GREB1: variants seen among roughly 807,000 people sequenced by gnomAD.
GREB1 encodes the protein growth regulating estrogen receptor binding 1.
A neutral mutation model predicts 200.7 loss-of-function variants in GREB1; 106 were observed. That is an observed-to-expected ratio of 0.53 (90% CI 0.45 to 0.62). The LOEUF is 0.62. Ranked by LOEUF, GREB1 falls within the 20% of genes least tolerant of loss-of-function variation. The pLI is 0.00. For missense variants in GREB1, 2,243 were observed against 2,556.8 expected (o/e 0.88, Z 2.65); for synonymous variants, 1,132 against 1,092.4 (o/e 1.04, Z -0.72).
intron 4 of GREB1, among the ~76,000 whole-genome samples, chr2:11,572,711 G>A (rs1678437501): frequency 6.6e-6 from 1 of 151,730 alleles, no homozygotes; most frequent in Admixed American, 6.6e-5. Flanking sequence ...AGAGGAAGGA[G>A]GGATGCTTGC....
intron 10 of GREB1, among the ~76,000 whole-genome samples, chr2:11,590,773 G>A (rs1680649453): frequency 6.6e-6 from 1 of 152,188 alleles, no homozygotes. Flanking sequence ...ATCTGAAGCT[G>A]AAGTCAACAG....
rs764376537 is a variant in GREB1, at chr2:11,632,070, C to T, written c.4773C>T (p.His1591=). The change falls in exon 27 of 33, where the codon CAC becomes CAT. Residue 1591 remains histidine, a synonymous_variant. Coordinates refer to ENST00000381486, the MANE Select transcript of GREB1 (RefSeq NM_014668.4). ...TTTATAAGAAATATTGGCCCAACCACATCATGCTGGTGCTCCCCAGTATCT... is the reference window on the plus strand; with the variant it reads ...TTTATAAGAAATATTGGCCCAACCATATCATGCTGGTGCTCCCCAGTATCT... ...MAIYKKYWPN[H]IMLVLPSIFN... The T allele has an allele frequency of 6.2e-7, 1 of 1,614,064 alleles. No homozygotes were observed. The highest frequency in any genetic ancestry group is 2.2e-5 in the East Asian group (1 of 44,866).
At chr2:11,631,040 G>A (rs1318811767) in intron 26 of GREB1, among the ~76,000 whole-genome samples, 6 of 152,146 alleles carry the variant, frequency 3.9e-5, no homozygotes, top group Non-Finnish European at 5.9e-5. Flanking sequence ...CCTACCCCAC[G>A]GGCTGGGGTT....
At chr2:11,570,424 G>A (rs1349013105) in intron 4 of GREB1, among the ~76,000 whole-genome samples, 2 of 149,620 alleles carry the variant, frequency 1.3e-5, no homozygotes, top group Non-Finnish European at 3.0e-5. Context: ...AAAAGATAAC[G>A]GCTTTTCATT....
In GREB1 at chr2:11,567,662, G is replaced by A. The variant is rs577961512; in HGVS notation, c.454+1006G>A. Among the ~76,000 whole-genome samples, 169 of 152,270 alleles carry A rather than the reference G, an allele frequency of 1.1e-3. 1 individual carries two copies. Among genetic ancestry groups the A allele is most frequent in the African/African-American group, 3.9e-3 (162 of 41,560 alleles). On this transcript the variant is annotated intron_variant, in intron 4 of 32. Coordinates refer to ENST00000381486, the MANE Select transcript of GREB1 (RefSeq NM_014668.4). ...CTAGCCTTTGATCTTTCCAACAACC[G>A]CTGGCCCACTAAGGCTCTGAGTGCA...
intron 24 of GREB1, among the ~76,000 whole-genome samples, chr2:11,625,533 C>T (rs1684374805): frequency 6.6e-6 from 1 of 152,220 alleles, no homozygotes; most frequent in Non-Finnish European, 1.5e-5. Flanking sequence ...ACAATGACGA[C>T]ACCCTTGCTG....
At chr2:11,606,602 TA>T (rs1682314604) in intron 17 of GREB1, among the ~76,000 whole-genome samples, 1 of 152,036 alleles carries the variant, frequency 6.6e-6, no homozygotes. Flanking sequence ...TGACTAGTGT[TA>T]CTATAGATTA....
At chr2:11,595,467 T>TTAGCAGGTCACAGGCAGG in intron 12 of GREB1, 88 bp downstream of exon 12, 2 of 1,379,270 alleles carry the variant, frequency 1.5e-6, no homozygotes, top group South Asian at 1.3e-5. Flanking sequence ...TCACCCTGCC[T>TTAGCAGGTCACAGGCAGG]GTGACCTGCT....
In GREB1 at chr2:11,640,658, T is replaced by C. The variant is rs1354036833; in HGVS notation, c.*204T>C. The C allele has an allele frequency of 1.7e-6, 1 of 577,288 alleles. No individual in the cohort carries two copies. The highest frequency in any genetic ancestry group is 3.0e-6 in the Non-Finnish European group (1 of 333,928). 35.8% of individuals were successfully genotyped at this position (577,288 alleles called of 1,614,324 possible). A position where few individuals can be genotyped will look rare whatever the true frequency, so the allele number is the denominator to read the frequency against. ...CTCCGCAGTGGGTGAGAATGAAAAC[T>C]TGAGACTCCCAAGTTCTGGGCCAGC... On this transcript the variant is annotated 3_prime_UTR_variant, in exon 33 of 33. Coordinates refer to ENST00000381486, the MANE Select transcript of GREB1 (RefSeq NM_014668.4). This position sits in a 1 kb window ranked among gnomAD's most constrained non-coding sequence, Gnocchi z 4.6.
At chr2:11,532,557 C>T (rs922055223), upstream of GREB1, among the ~76,000 whole-genome samples, 2 of 152,162 alleles carry the variant, frequency 1.3e-5, no homozygotes, top group Non-Finnish European at 2.9e-5. Context: ...TAGAAGCAAC[C>T]AAAATACTTC....
At chr2:11,593,812 C>A (rs1161405132) in intron 11 of GREB1, among the ~76,000 whole-genome samples, 1 of 152,012 alleles carries the variant, frequency 6.6e-6, no homozygotes, top group Non-Finnish European at 1.5e-5. Flanking sequence ...CCCACATGTA[C>A]AGCCACTGTT....
chr2:11,502,998 C>T lies in GREB1; in HGVS notation c.-159+20617C>T, dbSNP rs1030676595. The stretch of plus-strand genomic sequence containing the variant: ...GTTGTTGCTATGGGGCTTCATGGCT[C>T]ATGTTGGAAAGGAGAAAGGGAGGCT... On this transcript the variant is annotated intron_variant, in intron 1 of 2. Coordinates refer to the GREB1 transcript ENST00000628795. Among the ~76,000 whole-genome samples the T allele has an allele frequency of 2.6e-5, 4 of 152,084 alleles. No homozygotes were observed. The South Asian group carries it at 8.3e-4, about 32-fold the overall frequency.
At chr2:11,596,291 G>A in intron 13 of GREB1, 52 bp downstream of exon 13, 2 of 1,558,670 alleles carry the variant, frequency 1.3e-6, no homozygotes, top group African/African-American at 1.4e-5. Context: ...AAGTAGTGAT[G>A]AGGGGCAGGG....
chr2:11,495,358 T>C (rs1386838809), intron 1 of GREB1, among the ~76,000 whole-genome samples: 1 of 152,182 alleles, frequency 6.6e-6, no homozygotes, highest in East Asian at 1.9e-4. Context: ...TGGGACTATA[T>C]GAACCTGCCA....
intron 23 of GREB1, 130 bp downstream of exon 23, chr2:11,621,137 G>C: frequency 1.5e-6 from 1 of 654,722 alleles, no homozygotes; most frequent in Non-Finnish European, 2.8e-6. Context: ...CAAGGACCTT[G>C]TAGGGGGTGC....
intron 4 of GREB1, among the ~76,000 whole-genome samples, chr2:11,574,636 C>T (rs924110001): frequency 6.6e-6 from 1 of 152,216 alleles, no homozygotes; most frequent in African/African-American, 2.4e-5. Context: ...AGAACATCAT[C>T]CTCAGGCTGG....
chr2:11,614,839 C>CT (rs35762494), intron 19 of GREB1, among the ~76,000 whole-genome samples: 59,008 of 152,072 alleles, frequency 0.39, 12,162 homozygotes, highest in Admixed American at 0.51. Flanking sequence ...CTGCAAGCCC[C>CT]TTTTTTATCT....
chr2:11,562,781 A>ACC, intron 3 of GREB1, 199 bp downstream of exon 3: 1 of 485,320 alleles, frequency 2.1e-6, no homozygotes. Flanking sequence ...CAGGAGCTCC[A>ACC]GAGACACCAT....
chr2:11,595,698 C>T (rs1297663428), intron 12 of GREB1, among the ~76,000 whole-genome samples: 1 of 152,176 alleles, frequency 6.6e-6, no homozygotes, highest in Non-Finnish European at 1.5e-5. Context: ...GGTGGCCTCT[C>T]TTCCCTGTCT....
Sources: gnomAD v4.1 joint callset for allele counts (sites outside exome capture counted in the v4.1 genomes callset) on GRCh38, gnomAD v4.1.1 for gene constraint, Gnocchi (gnomAD v3.1) non-coding constraint, MANE v1.5 for transcripts, NCBI Gene and HGNC (gene_info 2026-07-23, HGNC 2026-07-21) for gene names.